The following CAPRIN1 variants were observed in gnomAD, a reference collection of about 807,000 sequenced individuals.
CAPRIN1 encodes cell cycle associated protein 1.
In CAPRIN1, 29 loss-of-function variants were observed where a neutral mutation model predicts 100.9. The ratio of observed to expected loss-of-function variants is 0.29; its 90% CI spans 0.21 to 0.39. The LOEUF is 0.39. CAPRIN1 is among the 10% of genes least tolerant of loss of function. The probability of loss-of-function intolerance (pLI) is 1.00; values close to 1 mark genes in which losing one functional copy is unlikely to be tolerated. For synonymous variants in CAPRIN1, 338 were observed against 307.5 expected (o/e 1.10, Z -1.04); for missense variants, 795 against 876.7 (o/e 0.91, Z 1.18).
At chr11:34,098,439 A>G (rs1851403357) in intron 18 of CAPRIN1, 1 of 985,282 alleles carries the variant, frequency 1.0e-6, no homozygotes, top group African/African-American at 1.7e-5. Flanking sequence ...TAACCTATTT[A>G]ACAATTAGAG....
At chr11:34,079,225 C>T (rs1388579764) in intron 6 of CAPRIN1, among the ~76,000 whole-genome samples, 1 of 152,126 alleles carries the variant, frequency 6.6e-6, no homozygotes, top group Non-Finnish European at 1.5e-5. Context: ...CATGGTAAAA[C>T]CTTGCCTCTA....
Position 34,082,996 on chromosome 11 carries a change from T to A in CAPRIN1, c.921T>A (p.Ser307Arg). The change falls in exon 9 of 19, where the codon AGT becomes AGA. Residue 307 changes from serine to arginine, a missense_variant. Physicochemically the swap from Ser to Arg is moderately radical, Grantham distance 110. Transcript: ENST00000341394. ...TCATGGCAGAAACACAGTTCACCAGTGGTGAAAAGGAGCAGGTAGATGAGT... is the reference window on the plus strand; with the variant it reads ...TCATGGCAGAAACACAGTTCACCAGAGGTGAAAAGGAGCAGGTAGATGAGT... ...RQFMAETQFT[S>R]GEKEQVDEWT... The A allele has an allele frequency of 1.9e-6, 3 of 1,614,066 alleles. No homozygotes were observed. The South Asian group carries it at 3.3e-5, about 18-fold the overall frequency.
intron 15 of CAPRIN1, among the ~76,000 whole-genome samples, chr11:34,092,930 G>A (rs1851290355): frequency 6.6e-6 from 1 of 152,054 alleles, no homozygotes; most frequent in African/African-American, 2.4e-5. Flanking sequence ...ATAACTCACT[G>A]CAGCCTCAAA....
rs566155935 is a variant in CAPRIN1 at position 34,066,714 on chromosome 11, GGCT to G, written c.217-5011_217-5009del. ...AGTGCAGTGGCAGTGGCATGATCTT[GGCT>G]CACTGCAACCTCCACCTCCTGCCTC... On this transcript the variant is annotated intron_variant, in intron 2 of 18. Transcript: ENST00000341394. Among the ~76,000 whole-genome samples, 649 of 151,646 alleles carry G rather than the reference GGCT, an allele frequency of 4.3e-3. 5 individuals carry two copies. The highest frequency in any genetic ancestry group is 0.015 in the African/African-American group (610 of 41,290).
At chr11:34,069,530 TGA>T (rs1850769378) in intron 2 of CAPRIN1, among the ~76,000 whole-genome samples, 1 of 152,190 alleles carries the variant, frequency 6.6e-6, no homozygotes, top group Non-Finnish European at 1.5e-5. Context: ...CCCAAGCTTA[TGA>T]GTCTTCCCTT....
In CAPRIN1 at chr11:34,101,093, GT is replaced by G. The variant is rs750607652; in HGVS notation, c.*1727del. On this transcript the variant is annotated 3_prime_UTR_variant, in exon 19 of 19. Transcript: ENST00000341394. Reference sequence around the variant, plus strand: ...ATTCCACATTCAAAAGTTTTGTAGGGTGGTGGGAAATGGGGGATCTTCAATG... The same window carrying G: ...ATTCCACATTCAAAAGTTTTGTAGGGGGTGGGAAATGGGGGATCTTCAATG... 2.9e-4 allele frequency: 44 copies of G among 152,680 alleles called. No individual in the cohort carries two copies. Among genetic ancestry groups the G allele is most frequent in the Non-Finnish European group, 5.4e-4 (37 of 68,000 alleles). The allele number at this position is 152,680 out of a possible 1,614,324, so 9.5% of individuals were successfully genotyped here.
In CAPRIN1 at chr11:34,052,425, C is replaced by T; in HGVS notation, c.5C>T (p.Pro2Leu). 1.2e-6 allele frequency: 2 copies of T among 1,607,138 alleles called. No individual in the cohort carries two copies. The highest frequency in any genetic ancestry group is 1.7e-6 in the Non-Finnish European group (2 of 1,178,674). M[P>L]SATSHSGSGS... is the part of the protein sequence containing the mutation. ...CTCTCTCCTTGCGGTCTGAAGATGC[C>T]CTCGGCCACCAGCCACAGCGGGAGC... is the stretch of plus-strand genomic sequence containing the variant. The change falls in exon 2 of 19, where the codon CCC becomes CTC. Residue 2 changes from proline to leucine, a missense_variant. Pro to Leu is a moderately conservative substitution (Grantham distance 98). Coordinates refer to ENST00000341394, the MANE Select transcript of CAPRIN1 (RefSeq NM_005898.5).
intron 15 of CAPRIN1, among the ~76,000 whole-genome samples, chr11:34,094,747 A>G (rs888822711): frequency 2.6e-5 from 4 of 152,236 alleles, no homozygotes; most frequent in African/African-American, 9.6e-5. Flanking sequence ...CAGTGAGCCA[A>G]GATTATTTGA....
intron 9 of CAPRIN1, among the ~76,000 whole-genome samples, chr11:34,084,701 C>G (rs527388527): frequency 6.6e-6 from 1 of 152,170 alleles, no homozygotes; most frequent in East Asian, 1.9e-4. Context: ...CCCATTGAGC[C>G]TTGACTAAGT....
intron 2 of CAPRIN1, among the ~76,000 whole-genome samples, chr11:34,055,144 G>A (rs2134080089): frequency 6.6e-6 from 1 of 152,256 alleles, no homozygotes; most frequent in Admixed American, 6.5e-5. Context: ...CTACCCTCAA[G>A]TGATTTTGTT....
At position 34,097,993 on chromosome 11, in the gene CAPRIN1, C is replaced by G. The variant is rs942106715; in HGVS notation, c.2065+232C>G. Reference sequence around the variant, plus strand: ...ACTGTCTTGAAAACTAGAACATATTCTCTTCTCAGAAAAAGTGTTTTTCCA... The same window carrying G: ...ACTGTCTTGAAAACTAGAACATATTGTCTTCTCAGAAAAAGTGTTTTTCCA... On this transcript the variant is annotated intron_variant, in intron 18 of 18. Transcript: ENST00000341394. 5.8e-6 allele frequency: 7 copies of G among 1,213,084 alleles called. No individual in the cohort carries two copies. In the African/African-American group the frequency reaches 1.1e-4, roughly 19 times the overall value. 75.1% of individuals were successfully genotyped at this position (1,213,084 alleles called of 1,614,324 possible). A position where few individuals can be genotyped will look rare whatever the true frequency, so the allele number is the denominator to read the frequency against.
chr11:34,072,511 A>G (rs900961399), intron 4 of CAPRIN1, among the ~76,000 whole-genome samples: 2 of 152,328 alleles, frequency 1.3e-5, no homozygotes, highest in Admixed American at 6.5e-5. Flanking sequence ...CTAATGACTC[A>G]CAATTTAAAC....
chr11:34,071,701 A>G, intron 2 of CAPRIN1, 25 bp from the exon 3 acceptor site: 1 of 1,557,822 alleles, frequency 6.4e-7, no homozygotes, highest in Non-Finnish European at 8.9e-7. Flanking sequence ...AACGGAATGT[A>G]ATTCTTTTTT....
intron 2 of CAPRIN1, chr11:34,053,145 C>A (rs901401387): frequency 2.0e-6 from 2 of 988,464 alleles, no homozygotes; most frequent in Non-Finnish European, 2.4e-6. Flanking sequence ...TCGAGCGTCC[C>A]CTCTTCTTCC....
At position 34,102,058 on chromosome 11, in the gene CAPRIN1, G is replaced by A. The variant is rs536744697; in HGVS notation, c.*2691G>A. Among the ~76,000 whole-genome samples, 1 of 151,848 alleles carries A rather than the reference G, an allele frequency of 6.6e-6. No individual in the cohort carries two copies. The highest frequency in any genetic ancestry group is 1.5e-5 in the Non-Finnish European group (1 of 67,920). On this transcript the variant is annotated 3_prime_UTR_variant, in exon 19 of 19. Transcript: ENST00000341394. The stretch of plus-strand genomic sequence containing the variant: ...ATGGAAAAGTTTTTTTTCAATCATT[G>A]TACCTTGATATTAAAACAAATATCC...
At chr11:34,084,600 T>C (rs1475553945) in intron 9 of CAPRIN1, among the ~76,000 whole-genome samples, 2 of 152,132 alleles carry the variant, frequency 1.3e-5, no homozygotes, top group African/African-American at 4.8e-5. Context: ...ATACAGGTGT[T>C]TCACATCTCA....
intron 4 of CAPRIN1, among the ~76,000 whole-genome samples, chr11:34,072,218 A>G (rs1850815747): frequency 6.6e-6 from 1 of 151,982 alleles, no homozygotes; most frequent in East Asian, 1.9e-4. Context: ...TGGCTCCTCA[A>G]TAGGTTGAGG....
rs1472262737 is a variant in CAPRIN1, at chr11:34,073,743, AAT to A, written c.366+1757_366+1758del. On this transcript the variant is annotated intron_variant, in intron 4 of 18. Coordinates refer to ENST00000341394, the MANE Select transcript of CAPRIN1 (RefSeq NM_005898.5). ...CCTAGCTTCAATTACTTAATCTTAG[AAT>A]TACTTATTACATCTGATCAGGGAAG... is the stretch of plus-strand genomic sequence containing the variant. Among the ~76,000 whole-genome samples, 6 of 152,256 alleles carry A rather than the reference AAT, an allele frequency of 3.9e-5. No homozygotes were observed. In the East Asian group the frequency reaches 1.2e-3, roughly 29 times the overall value.
At chr11:34,086,656 T>A (rs1225878868) in intron 11 of CAPRIN1, among the ~76,000 whole-genome samples, 1 of 152,238 alleles carries the variant, frequency 6.6e-6, no homozygotes, top group Non-Finnish European at 1.5e-5. Context: ...GCAAGTTTAA[T>A]GAGTTTTTAT....
Sources: allele counts gnomAD v4.1 joint callset (sites outside exome capture counted in the v4.1 genomes callset), GRCh38; gene constraint gnomAD v4.1.1; transcripts MANE v1.5; gene names NCBI Gene and HGNC (gene_info 2026-07-23, HGNC 2026-07-21).